Variants in KCNMB2 observed in about 807,000 individuals in gnomAD.
KCNMB2 encodes the protein potassium calcium-activated channel subfamily M regulatory beta subunit 2.
In KCNMB2, 9 loss-of-function variants were observed where a neutral mutation model predicts 24.5. The observed-to-expected ratio is 0.37, with a 90% CI of 0.22 to 0.64. The LOEUF (loss-of-function observed/expected upper bound fraction) is 0.64. Among genes scored for constraint, KCNMB2 ranks in the 30% least tolerant of loss-of-function variants. KCNMB2 has a pLI of 0.63. For synonymous variants in KCNMB2, 109 were observed against 104.4 expected (o/e 1.04, Z -0.27); for missense variants, 226 against 284.3 (o/e 0.79, Z 1.47).
chr3:178,648,483 T>C (rs1719996696), intron 1 of KCNMB2, among the ~76,000 whole-genome samples: 1 of 152,198 alleles, frequency 6.6e-6, no homozygotes, highest in Non-Finnish European at 1.5e-5. Context: ...GGCAGCACGC[T>C]GTGAGCTATG....
intron 1 of KCNMB2, among the ~76,000 whole-genome samples, chr3:178,594,119 G>C (rs1577035209): frequency 6.6e-6 from 1 of 151,886 alleles, no homozygotes; most frequent in Admixed American, 6.6e-5. Flanking sequence ...CAAGAGTAAA[G>C]TGAGTGAAGG....
intron 1 of KCNMB2, among the ~76,000 whole-genome samples, chr3:178,582,580 T>A (rs7631186): frequency 0.36 from 54,964 of 152,074 alleles, 10,300 homozygotes; most frequent in African/African-American, 0.48. Context: ...TGTCATGTAA[T>A]TACAAGATAA....
At chr3:178,719,321 T>A (rs1722721176) in intron 1 of KCNMB2, among the ~76,000 whole-genome samples, 1 of 152,216 alleles carries the variant, frequency 6.6e-6, no homozygotes, top group African/African-American at 2.4e-5. Flanking sequence ...CTTTGAACAT[T>A]CCTGGGGATT....
At chr3:178,754,150 G>GTATATATATATATATATATA (rs755809548) in intron 1 of KCNMB2, among the ~76,000 whole-genome samples, 1 of 106,280 alleles carries the variant, frequency 9.4e-6, no homozygotes, top group African/African-American at 3.8e-5. Flanking sequence ...ATATTCCATT[G>GTATATATATATATATATATA]TATATATATA....
intron 1 of KCNMB2, among the ~76,000 whole-genome samples, chr3:178,597,047 C>T (rs369365596): frequency 5.9e-5 from 9 of 152,202 alleles, no homozygotes; most frequent in African/African-American, 1.2e-4. Context: ...CTCTTCTCCA[C>T]GCAGATGCCA....
intron 1 of KCNMB2, among the ~76,000 whole-genome samples, chr3:178,635,511 G>A (rs1251759191): frequency 6.6e-6 from 1 of 151,792 alleles, no homozygotes; most frequent in Non-Finnish European, 1.5e-5. Flanking sequence ...AACTTTAGAT[G>A]TAGCTGTAGT....
chr3:178,574,483 A>G (rs1195306923), intron 1 of KCNMB2, among the ~76,000 whole-genome samples: 1 of 152,082 alleles, frequency 6.6e-6, no homozygotes, highest in Non-Finnish European at 1.5e-5. Context: ...TCATGTTTTT[A>G]CTTCCACAGC....
chr3:178,606,629 GATGATC>G (rs1032562610), intron 1 of KCNMB2, among the ~76,000 whole-genome samples: 2 of 152,084 alleles, frequency 1.3e-5, no homozygotes, highest in Non-Finnish European at 2.9e-5. Flanking sequence ...CTGGGGCTAT[GATGATC>G]CCTTTAATGT....
At chr3:178,631,213 G>A (rs1182864615) in intron 1 of KCNMB2, among the ~76,000 whole-genome samples, 1 of 152,052 alleles carries the variant, frequency 6.6e-6, no homozygotes, top group Admixed American at 6.5e-5. Flanking sequence ...AAACCTCTAG[G>A]TCATCTTCCC....
At chr3:178,573,066 G>A (rs1716862871) in intron 1 of KCNMB2, among the ~76,000 whole-genome samples, 1 of 151,904 alleles carries the variant, frequency 6.6e-6, no homozygotes. Context: ...TTAGAGGACA[G>A]TGGCACAATC....
chr3:178,707,565 C>G (rs1432070992), intron 1 of KCNMB2, among the ~76,000 whole-genome samples: 3 of 152,104 alleles, frequency 2.0e-5, no homozygotes, highest in Non-Finnish European at 4.4e-5. Context: ...CTTGGCTGCC[C>G]ATTAAAACCA....
chr3:178,567,611 A>G (rs1438747711), intron 1 of KCNMB2, among the ~76,000 whole-genome samples: 3 of 150,292 alleles, frequency 2.0e-5, no homozygotes, highest in Non-Finnish European at 4.4e-5. Flanking sequence ...CATTCTAACA[A>G]TAAAGAAAAA....
intron 1 of KCNMB2, among the ~76,000 whole-genome samples, chr3:178,791,302 C>G (rs1242287567): frequency 6.6e-6 from 1 of 152,096 alleles, no homozygotes; most frequent in Non-Finnish European, 1.5e-5. Context: ...AAAAATTAAG[C>G]AAAAATTCTG....
At chr3:178,637,294 C>T (rs554808728) in intron 1 of KCNMB2, among the ~76,000 whole-genome samples, 5 of 152,250 alleles carry the variant, frequency 3.3e-5, no homozygotes, top group Admixed American at 1.3e-4. Context: ...TCTTACACAA[C>T]GGTTGAATTA....
chr3:178,755,160 TG>T (rs1723988911), intron 1 of KCNMB2, among the ~76,000 whole-genome samples: 2 of 152,138 alleles, frequency 1.3e-5, no homozygotes, highest in Admixed American at 1.3e-4. Context: ...CTCCTCCATC[TG>T]GGGCAGCAGC....
intron 2 of KCNMB2, among the ~76,000 whole-genome samples, chr3:178,816,553 T>C (rs1714410389): frequency 6.6e-6 from 1 of 152,112 alleles, no homozygotes; most frequent in South Asian, 2.1e-4. Context: ...AACTTACTAA[T>C]TTGGATGCCT....
chr3:178,771,651 A>AGAG (rs1021126779), intron 1 of KCNMB2, among the ~76,000 whole-genome samples: 16 of 150,974 alleles, frequency 1.1e-4, no homozygotes, highest in African/African-American at 3.9e-4. Flanking sequence ...CCAGCCCTCT[A>AGAG]CTAACTTTCT....
At chr3:178,692,135 G>A (rs1721702434) in intron 1 of KCNMB2, among the ~76,000 whole-genome samples, 1 of 152,090 alleles carries the variant, frequency 6.6e-6, no homozygotes, top group African/African-American at 2.4e-5. Flanking sequence ...AGAGATGCTG[G>A]ATATTAGACC....
chr3:178,760,352 A>G (rs191132547), intron 1 of KCNMB2, among the ~76,000 whole-genome samples: 4 of 114,856 alleles, frequency 3.5e-5, no homozygotes, highest in African/African-American at 1.1e-4. Flanking sequence ...TTCGTTACAT[A>G]TATATATCCA....
Sources: gnomAD v4.1 joint callset for allele counts (sites outside exome capture counted in the v4.1 genomes callset) on GRCh38, gnomAD v4.1.1 for gene constraint, MANE v1.5 for transcripts, NCBI Gene and HGNC (gene_info 2026-07-23, HGNC 2026-07-21) for gene names.